The following DAPK1 variants were observed in gnomAD, a reference collection of about 807,000 sequenced individuals.
DAPK1 encodes death associated protein kinase 1.
In DAPK1, 56 loss-of-function variants were observed where a neutral mutation model predicts 144.9. That is an observed-to-expected ratio of 0.39 (90% CI 0.31 to 0.48). The LOEUF is 0.48. DAPK1 is among the 20% of genes least tolerant of loss of function. DAPK1 has a pLI of 0.95. For synonymous variants in DAPK1, 690 were observed against 749.0 expected, an observed-to-expected ratio of 0.92 and a Z score of 1.29; for missense variants, 1,454 against 1,875.4, an observed-to-expected ratio of 0.78 and a Z score of 4.15.
intron 18 of DAPK1, among the ~76,000 whole-genome samples, chr9:87,658,888 C>T (rs936893910): frequency 6.6e-6 from 1 of 152,212 alleles, no homozygotes; most frequent in Non-Finnish European, 1.5e-5. Flanking sequence ...GGGTGATTCT[C>T]TGAGGAGACC....
intron 3 of DAPK1, among the ~76,000 whole-genome samples, chr9:87,628,472 T>C (rs1829557265): frequency 6.6e-6 from 1 of 152,232 alleles, no homozygotes; most frequent in Non-Finnish European, 1.5e-5. Context: ...CTGTGTTCCT[T>C]CTTCCCCTTC....
chr9:87,613,520 A>T (rs1016588496), intron 3 of DAPK1, among the ~76,000 whole-genome samples: 6 of 152,236 alleles, frequency 3.9e-5, no homozygotes, highest in Admixed American at 3.9e-4. Flanking sequence ...CCAAACTGAG[A>T]TGCAAAATAA....
intron 2 of DAPK1, among the ~76,000 whole-genome samples, chr9:87,524,493 A>G (rs953455737): frequency 3.3e-5 from 5 of 152,180 alleles, no homozygotes; most frequent in Non-Finnish European, 5.9e-5. Context: ...TCAGAGCCTA[A>G]CAGTAGAGCC....
At chr9:87,587,170 C>A (rs1269715306) in intron 2 of DAPK1, among the ~76,000 whole-genome samples, 1 of 152,238 alleles carries the variant, frequency 6.6e-6, no homozygotes, top group East Asian at 1.9e-4. Context: ...AGCTGGCAGG[C>A]AGCTTCCCTG....
chr9:87,668,416 C>T, intron 18 of DAPK1, 181 bp from the exon 19 acceptor site: 1 of 621,968 alleles, frequency 1.6e-6, no homozygotes. Context: ...CTGTCCTGGA[C>T]AATCAAGTGA....
At chr9:87,653,053 C>T (rs1360645672) in intron 17 of DAPK1, among the ~76,000 whole-genome samples, 3 of 144,688 alleles carry the variant, frequency 2.1e-5, no homozygotes, top group Non-Finnish European at 4.6e-5. Context: ...GATTCTGTGT[C>T]CTCCCACCTG....
chr9:87,536,264 G>A (rs769272342), intron 2 of DAPK1, among the ~76,000 whole-genome samples: 1 of 152,142 alleles, frequency 6.6e-6, no homozygotes, highest in Non-Finnish European at 1.5e-5. Flanking sequence ...CCCACAAAGC[G>A]CAGAGAGCTC....
intron 14 of DAPK1, among the ~76,000 whole-genome samples, chr9:87,647,950 A>G (rs755981102): frequency 3.9e-5 from 6 of 152,248 alleles, no homozygotes; most frequent in Admixed American, 2.0e-4. Context: ...AATCCTGTGA[A>G]TTAATTGGCT....
chr9:87,673,157 C>T lies in DAPK1; in HGVS notation c.2001+4483C>T, dbSNP rs139619572. Among the ~76,000 whole-genome samples the T allele has an allele frequency of 2.7e-3, 414 of 152,212 alleles. 3 individuals carry two copies. The highest frequency in any genetic ancestry group is 9.5e-3 in the African/African-American group (393 of 41,520). On this transcript the variant is annotated intron_variant, in intron 19 of 25. Coordinates refer to ENST00000408954, the MANE Select transcript of DAPK1 (RefSeq NM_004938.4). ...TCTAACATGCTAGCATTCCCTACAG[C>T]CATATTGTGAAAACCAAAAGAATCC...
In DAPK1 at chr9:87,706,978, T is replaced by G; in HGVS notation, c.3907T>G (p.Ser1303Ala). Residue 1303 changes from serine to alanine, a missense_variant, in exon 26 of 26, where the codon TCA becomes GCA. Transcript: ENST00000408954. The surrounding 1 kb of genome is among the most constrained non-coding windows in gnomAD (Gnocchi z 9.0). ...CAGCCTCGGCATGGACATCCATGCA[T>G]CAGACCTGAACCTCCTCACTCGGAG... ...QASLGMDIHA[S>A]DLNLLTRRKL... The G allele has an allele frequency of 6.2e-7, 1 of 1,613,552 alleles. No individual in the cohort carries two copies. The highest frequency in any genetic ancestry group is 8.5e-7 in the Non-Finnish European group (1 of 1,179,866).
chr9:87,632,175 T>C, intron 3 of DAPK1: 1 of 884,584 alleles, frequency 1.1e-6, no homozygotes, highest in African/African-American at 1.8e-5. Context: ...GATGAAGGAG[T>C]ATGAGTATAT....
intron 2 of DAPK1, among the ~76,000 whole-genome samples, chr9:87,595,700 G>A (rs935188552): frequency 2.0e-5 from 3 of 152,198 alleles, no homozygotes; most frequent in African/African-American, 7.2e-5. Flanking sequence ...GTCCTTGGGA[G>A]GATGCTTTCG....
At chr9:87,624,351 G>T (rs1829415204) in intron 3 of DAPK1, among the ~76,000 whole-genome samples, 1 of 152,152 alleles carries the variant, frequency 6.6e-6, no homozygotes. Flanking sequence ...TGTGCTAGTT[G>T]GGCTCTCCCA....
At chr9:87,614,725 A>G (rs1313205633) in intron 3 of DAPK1, among the ~76,000 whole-genome samples, 5 of 152,130 alleles carry the variant, frequency 3.3e-5, no homozygotes, top group Non-Finnish European at 1.5e-5. Flanking sequence ...TCGCTGCTCC[A>G]GTATGTTCCC....
chr9:87,499,378 C>T (rs1165672751), intron 2 of DAPK1: 2 of 481,654 alleles, frequency 4.2e-6, no homozygotes, highest in South Asian at 4.7e-5. Context: ...TTGATCCAGT[C>T]CCCTGGACAA....
At chr9:87,650,151 G>C (rs775580489) in intron 16 of DAPK1, 33 bp downstream of exon 16, 3 of 1,610,476 alleles carry the variant, frequency 1.9e-6, no homozygotes, top group Non-Finnish European at 2.5e-6. Flanking sequence ...TATGCACTGG[G>C]AAGTGATCTA....
intron 2 of DAPK1, among the ~76,000 whole-genome samples, chr9:87,539,824 GCTGA>G (rs1027143901): frequency 2.0e-5 from 3 of 151,962 alleles, no homozygotes; most frequent in African/African-American, 4.8e-5. Context: ...GTCTACATTC[GCTGA>G]CTGTCTGCAC....
chr9:87,664,456 A>G (rs1408973456), intron 18 of DAPK1, among the ~76,000 whole-genome samples: 1 of 152,188 alleles, frequency 6.6e-6, no homozygotes, highest in Non-Finnish European at 1.5e-5. Context: ...CACACAGCCC[A>G]TAACATTCGG....
At chr9:87,592,866 G>A (rs1828185848) in intron 2 of DAPK1, among the ~76,000 whole-genome samples, 1 of 152,106 alleles carries the variant, frequency 6.6e-6, no homozygotes, top group African/African-American at 2.4e-5. Flanking sequence ...GCCTCTTCTT[G>A]CCTGCCCTGA....
Sources: allele counts gnomAD v4.1 joint callset (sites outside exome capture counted in the v4.1 genomes callset), GRCh38; gene constraint gnomAD v4.1.1; non-coding constraint Gnocchi (gnomAD v3.1); transcripts MANE v1.5; gene names NCBI Gene and HGNC (gene_info 2026-07-23, HGNC 2026-07-21).